RHBDD1: variants seen among roughly 807,000 people sequenced by gnomAD.
The protein encoded by RHBDD1 is rhomboid domain containing 1.
Under a neutral mutation model 36.3 loss-of-function variants are expected in RHBDD1, and 38 were observed. The ratio of observed to expected loss-of-function variants is 1.05; its 90% CI spans 0.81 to 1.37. The LOEUF is 1.37. Ranked by LOEUF, RHBDD1 falls within the 40% of genes most tolerant of loss-of-function variation. RHBDD1 has a pLI of 0.00. For missense variants in RHBDD1, 393 were observed against 377.6 expected (o/e 1.04, Z -0.34); for synonymous variants, 151 against 136.5 (o/e 1.11, Z -0.74).
At chr2:226,894,423 A>G (rs1269775962) in intron 5 of RHBDD1, among the ~76,000 whole-genome samples, 1 of 151,978 alleles carries the variant, frequency 6.6e-6, no homozygotes, top group African/African-American at 2.4e-5. Context: ...GGCGTGCACC[A>G]CCACACATGG....
intron 8 of RHBDD1, among the ~76,000 whole-genome samples, chr2:226,958,555 T>C (rs575025249): frequency 1.9e-4 from 29 of 152,270 alleles, no homozygotes; most frequent in African/African-American, 6.7e-4. Context: ...AGAAATGAAA[T>C]CTCAATGAAG....
At chr2:226,945,088 G>A (rs939960874) in intron 8 of RHBDD1, among the ~76,000 whole-genome samples, 4 of 151,706 alleles carry the variant, frequency 2.6e-5, no homozygotes, top group African/African-American at 9.7e-5. Context: ...GGCTCAGTAT[G>A]ATGTGTTTGA....
At chr2:226,937,297 C>G (rs531767787) in intron 8 of RHBDD1, among the ~76,000 whole-genome samples, 2 of 152,092 alleles carry the variant, frequency 1.3e-5, no homozygotes, top group South Asian at 4.1e-4. Context: ...TACTATGTAT[C>G]TGTACTAAAA....
At chr2:226,885,567 A>G (rs1441790366) in intron 5 of RHBDD1, among the ~76,000 whole-genome samples, 1 of 152,210 alleles carries the variant, frequency 6.6e-6, no homozygotes. Flanking sequence ...AGTATTACAT[A>G]TGAAGTGGTT....
At chr2:226,805,478 GC>G in the RHBDD1 span, among the ~76,000 whole-genome samples, 1 of 152,214 alleles carries the variant, frequency 6.6e-6, no homozygotes, top group Non-Finnish European at 1.5e-5. Context: ...CTCCCAAAGT[GC>G]TGGGATTATA....
chr2:226,977,073 C>G (rs779781232), intron 8 of RHBDD1, among the ~76,000 whole-genome samples: 5 of 152,158 alleles, frequency 3.3e-5, no homozygotes, highest in Non-Finnish European at 5.9e-5. Flanking sequence ...AGCCACTGCT[C>G]TCATGAATGC....
chr2:226,972,104 G>C lies in RHBDD1; in HGVS notation c.857-23327G>C, dbSNP rs114662845. On this transcript the variant is annotated intron_variant, in intron 8 of 8. Transcript: ENST00000392062. ...GCCCCCTAACTCCCAACAGGCCTTGGTGTGTGCTGTTCCACTCCCTGTATC... is the reference window on the plus strand; with the variant it reads ...GCCCCCTAACTCCCAACAGGCCTTGCTGTGTGCTGTTCCACTCCCTGTATC... Among the ~76,000 whole-genome samples the C allele has an allele frequency of 8.3e-3, 1,270 of 152,100 alleles. 13 individuals carry two copies. Among genetic ancestry groups the C allele is most frequent in the Non-Finnish European group, 0.011 (747 of 67,980 alleles).
intron 6 of RHBDD1, among the ~76,000 whole-genome samples, chr2:226,907,283 G>A (rs1024922365): frequency 1.3e-5 from 2 of 152,180 alleles, no homozygotes; most frequent in African/African-American, 4.8e-5. Flanking sequence ...GGACTGAAGT[G>A]CATGGCCAGT....
chr2:226,902,985 A>C (rs1342121927), intron 5 of RHBDD1, among the ~76,000 whole-genome samples: 4 of 152,224 alleles, frequency 2.6e-5, no homozygotes, highest in African/African-American at 9.6e-5. Flanking sequence ...ATTTTATATC[A>C]TATATGCTTC....
chr2:226,979,418 C>T (rs1955212968), intron 8 of RHBDD1, among the ~76,000 whole-genome samples: 1 of 152,140 alleles, frequency 6.6e-6, no homozygotes. Context: ...AATCCCAGGT[C>T]ACCACCCAGG....
chr2:226,970,498 G>A (rs765167975), intron 8 of RHBDD1, among the ~76,000 whole-genome samples: 5 of 152,052 alleles, frequency 3.3e-5, no homozygotes, highest in African/African-American at 9.7e-5. Flanking sequence ...TTTGTCCATC[G>A]TGAACATCTG....
At chr2:226,819,650 C>T in the RHBDD1 span, among the ~76,000 whole-genome samples, 1 of 152,070 alleles carries the variant, frequency 6.6e-6, no homozygotes, top group Non-Finnish European at 1.5e-5. Context: ...TAAAAAAAGT[C>T]TCAAAAAAAT....
intron 5 of RHBDD1, among the ~76,000 whole-genome samples, chr2:226,874,904 G>T (rs1026107791): frequency 6.6e-6 from 1 of 152,054 alleles, no homozygotes; most frequent in African/African-American, 2.4e-5. Flanking sequence ...CCTCTCCCTG[G>T]CATGCCTTTT....
intron 5 of RHBDD1, among the ~76,000 whole-genome samples, chr2:226,892,599 GC>G (rs1443951861): frequency 6.6e-6 from 1 of 152,188 alleles, no homozygotes; most frequent in African/African-American, 2.4e-5. Flanking sequence ...TTCTTATGCA[GC>G]ATTGCAGTAG....
intron 8 of RHBDD1, among the ~76,000 whole-genome samples, chr2:226,950,647 T>TC (rs138438130): frequency 0.019 from 2,847 of 152,296 alleles, 89 homozygotes; most frequent in African/African-American, 0.065. Flanking sequence ...CCAAGACTTA[T>TC]CTTTCATCTT....
intron 3 of RHBDD1, among the ~76,000 whole-genome samples, chr2:226,843,252 A>G (rs1034365023): frequency 6.6e-6 from 1 of 152,144 alleles, no homozygotes; most frequent in Non-Finnish European, 1.5e-5. Flanking sequence ...CTATTTGAAT[A>G]CACTTTATTT....
In RHBDD1 at chr2:226,997,328, T is replaced by C. The variant is rs1205767712; in HGVS notation, c.*1806T>C. 6.6e-6 allele frequency: 1 copy of C among 152,240 alleles called. No homozygotes were observed. Among genetic ancestry groups the C allele is most frequent in the Non-Finnish European group, 1.5e-5 (1 of 68,046 alleles). The allele number at this position is 152,240 out of a possible 1,614,324, so 9.4% of individuals were successfully genotyped here. A position where few individuals can be genotyped will look rare whatever the true frequency, so the allele number is the denominator to read the frequency against. On this transcript the variant is annotated 3_prime_UTR_variant, in exon 9 of 9. Transcript: ENST00000392062. ...TAAGTTTGACTCCCGTTACCCCAATTAGAAGTAACTTCTTTGTTTCATGCC... is the reference window on the plus strand; with the variant it reads ...TAAGTTTGACTCCCGTTACCCCAATCAGAAGTAACTTCTTTGTTTCATGCC...
chr2:226,802,200 T>C, the RHBDD1 span, among the ~76,000 whole-genome samples: 3 of 152,150 alleles, frequency 2.0e-5, no homozygotes, highest in African/African-American at 7.2e-5. Context: ...AAAAAATATA[T>C]CTCTCAGTGT....
At chr2:226,989,604 T>C (rs1957734361) in intron 8 of RHBDD1, among the ~76,000 whole-genome samples, 1 of 152,236 alleles carries the variant, frequency 6.6e-6, no homozygotes, top group African/African-American at 2.4e-5. Flanking sequence ...CTTTGACTTT[T>C]CTTTCTTTTT....
Sources: allele counts gnomAD v4.1 joint callset (sites outside exome capture counted in the v4.1 genomes callset), GRCh38; gene constraint gnomAD v4.1.1; transcripts MANE v1.5; gene names NCBI Gene and HGNC (gene_info 2026-07-23, HGNC 2026-07-21).